PLEKHG5: variants seen among roughly 807,000 people sequenced by gnomAD.
PLEKHG5 encodes the protein pleckstrin homology domain-containing family G member 5.
A neutral mutation model predicts 103.8 loss-of-function variants in PLEKHG5; 52 were observed. The ratio of observed to expected loss-of-function variants is 0.50; its 90% CI spans 0.40 to 0.63. The LOEUF (loss-of-function observed/expected upper bound fraction) is 0.63, where lower values mean the gene tolerates loss of function less well. PLEKHG5 is among the 30% of genes least tolerant of loss of function. PLEKHG5 has a pLI of 0.00. For synonymous variants in PLEKHG5, 592 were observed against 575.5 expected (o/e 1.03, Z -0.41); for missense variants, 1,205 against 1,347.6 (o/e 0.89, Z 1.66).
At chr1:6,519,019 T>G (rs1460624585) in intron 1 of PLEKHG5, among the ~76,000 whole-genome samples, 5 of 152,338 alleles carry the variant, frequency 3.3e-5, no homozygotes, top group African/African-American at 1.2e-4. Context: ...ATTTTTTGTA[T>G]TTTTAGTAGA....
chr1:6,483,746 C>A (rs942953906), intron 1 of PLEKHG5, among the ~76,000 whole-genome samples: 1 of 152,270 alleles, frequency 6.6e-6, no homozygotes, highest in Non-Finnish European at 1.5e-5. Flanking sequence ...GAATCCACAG[C>A]GCACTGCTGA....
intron 1 of PLEKHG5, among the ~76,000 whole-genome samples, chr1:6,518,417 G>A (rs1008170839): frequency 6.6e-5 from 10 of 151,498 alleles, no homozygotes; most frequent in Admixed American, 2.6e-4. Flanking sequence ...AAAATGAGCC[G>A]GGCTTGATGG....
intron 1 of PLEKHG5, among the ~76,000 whole-genome samples, chr1:6,502,036 C>T (rs1220070728): frequency 3.9e-5 from 6 of 152,264 alleles, no homozygotes; most frequent in Admixed American, 2.0e-4. Context: ...TGTCCCCTCC[C>T]GCGTGAGCCC....
chr1:6,500,433 C>T (rs77948669), upstream of PLEKHG5, among the ~76,000 whole-genome samples: 4,265 of 152,144 alleles, frequency 0.028, 74 homozygotes, highest in South Asian at 0.064. Flanking sequence ...CCTGCCTCTT[C>T]GTAGCAACCC....
chr1:6,495,246 C>A (rs1645206655), upstream of PLEKHG5, among the ~76,000 whole-genome samples: 2 of 152,252 alleles, frequency 1.3e-5, no homozygotes, highest in Non-Finnish European at 2.9e-5. Flanking sequence ...CAATGCCAGG[C>A]ACCATCCGTG....
chr1:6,479,435 C>T (rs1024340985), intron 1 of PLEKHG5, among the ~76,000 whole-genome samples: 10 of 151,532 alleles, frequency 6.6e-5, no homozygotes, highest in African/African-American at 2.2e-4. Context: ...TACAGGCGCC[C>T]GCCACCACGC....
At position 6,516,830 on chromosome 1, in the gene PLEKHG5, A is replaced by ATG. The variant is rs1195103470; in HGVS notation, c.-165+2613_-165+2614dup. Among the ~76,000 whole-genome samples the ATG allele has an allele frequency of 8.3e-3, 1,173 of 140,802 alleles. 14 individuals are homozygous for ATG. The highest frequency in any genetic ancestry group is 0.058 in the Middle Eastern group (16 of 274). 92.4% of individuals were successfully genotyped at this position (140,802 alleles called of 152,430 possible). ...TATGTGTGTATATATATGTGTATAT[A>ATG]TGTGTGTGTATATATATATGTGTGT... is the stretch of plus-strand genomic sequence containing the variant. On this transcript the variant is annotated intron_variant, in intron 1 of 21. Coordinates refer to the PLEKHG5 transcript ENST00000377740.
chr1:6,511,747 G>T (rs1419254990), intron 1 of PLEKHG5, among the ~76,000 whole-genome samples: 1 of 152,240 alleles, frequency 6.6e-6, no homozygotes, highest in East Asian at 1.9e-4. Flanking sequence ...AGTGGGCACT[G>T]CAGGCTGCCT....
At chr1:6,507,529 G>A (rs1474376065) in intron 1 of PLEKHG5, among the ~76,000 whole-genome samples, 3 of 152,210 alleles carry the variant, frequency 2.0e-5, no homozygotes, top group African/African-American at 7.2e-5. Flanking sequence ...CAGAGCCAGG[G>A]CAGAGCTGGC....
At position 6,473,273 on chromosome 1, in the gene PLEKHG5, G is replaced by A. The variant is rs910474236; in HGVS notation, c.773C>T (p.Pro258Leu). 3 of 1,606,934 alleles carry A rather than the reference G, an allele frequency of 1.9e-6. No individual in the cohort carries two copies. Among genetic ancestry groups the A allele is most frequent in the Non-Finnish European group, 2.5e-6 (3 of 1,177,214 alleles). The change falls in exon 8 of 21, where the codon CCC (proline) becomes CTC (leucine). Residue 258 changes from proline (P) to leucine (L), a missense_variant. Coordinates refer to ENST00000377728, the MANE Select transcript of PLEKHG5 (RefSeq NM_020631.6). The part of the protein sequence containing the change: ...SRFSGFFSSG[P>L]STSAFGREVD... ...TACCCGGCCAAAGGCGCTGGTGCTG[G>A]GGCCGGAGCTGAAAAAGCCGCTGAA...
chr1:6,469,196 G>C lies in PLEKHG5; in HGVS notation c.2095C>G (p.Gln699Glu), dbSNP rs544601937. ...LRAQEPPGSQ[Q>E]PLQSLEEEED... ...TCCTCTTCCAGGCTCTGCAGGGGCT[G>C]CTGACTGCCTGGGGGCTCCTGTGCA... is the stretch of plus-strand genomic sequence containing the variant. Residue 699 changes from glutamine (Q) to glutamate (E), a missense_variant, in exon 19 of 21, where the codon CAG (glutamine) becomes GAG (glutamate). Gln to Glu is a conservative substitution (Grantham distance 29, BLOSUM62 2). Coordinates refer to ENST00000377728, the MANE Select transcript of PLEKHG5 (RefSeq NM_020631.6). 1.9e-6 allele frequency: 3 copies of C among 1,613,284 alleles called. No homozygotes were observed. The highest frequency in any genetic ancestry group is 2.5e-6 in the Non-Finnish European group (3 of 1,179,846).
chr1:6,496,353 G>A, upstream of PLEKHG5: 2 of 596,878 alleles, frequency 3.4e-6, no homozygotes, highest in South Asian at 2.1e-5. Flanking sequence ...ACACACTGTG[G>A]CCCCACCTAC....
upstream of PLEKHG5, chr1:6,497,294 TC>T: frequency 9.8e-7 from 1 of 1,015,902 alleles, no homozygotes; most frequent in Non-Finnish European, 1.4e-6. The surrounding 1 kb of genome is among the most constrained non-coding windows in gnomAD (Gnocchi z 6.1). Flanking sequence ...CCGCCCCGCG[TC>T]CGCCGGGTCC....
At chr1:6,485,302 C>A in intron 1 of PLEKHG5, 1 of 1,357,730 alleles carries the variant, frequency 7.4e-7, no homozygotes, top group Non-Finnish European at 9.5e-7. Flanking sequence ...AGCCCCGTTC[C>A]CGCCCCGTCC....
intron 19 of PLEKHG5, among the ~76,000 whole-genome samples, chr1:6,468,818 T>A (rs1213321603): frequency 6.6e-6 from 1 of 152,116 alleles, no homozygotes; most frequent in Non-Finnish European, 1.5e-5. Flanking sequence ...CTAAGGATCC[T>A]CAGCACAGCA....
At chr1:6,480,394 G>A (rs1352940229) in intron 1 of PLEKHG5, among the ~76,000 whole-genome samples, 2 of 151,810 alleles carry the variant, frequency 1.3e-5, no homozygotes, top group Non-Finnish European at 2.9e-5. Context: ...GCCAGTCGTG[G>A]CAGCGTACGC....
chr1:6,509,123 G>A (rs757200011), intron 1 of PLEKHG5, among the ~76,000 whole-genome samples: 29 of 152,216 alleles, frequency 1.9e-4, no homozygotes, highest in Non-Finnish European at 3.4e-4. Context: ...GAAGCCTCAC[G>A]GCCTCTGGAC....
At chr1:6,485,792 G>A (rs1645022133) in intron 1 of PLEKHG5, 2 of 783,060 alleles carry the variant, frequency 2.6e-6, no homozygotes, top group Non-Finnish European at 3.1e-6. Flanking sequence ...CCAGTCCCCG[G>A]GACCCCCACC....
Position 6,505,492 on chromosome 1 carries a change from G to C in PLEKHG5, c.-164-8923C>G, listed in dbSNP as rs938924496. Among the ~76,000 whole-genome samples the C allele has an allele frequency of 2.0e-5, 3 of 152,084 alleles. No individual in the cohort carries two copies. The highest frequency in any genetic ancestry group is 4.4e-5 in the Non-Finnish European group (3 of 68,000). On this transcript the variant is annotated intron_variant, in intron 1 of 21. Coordinates refer to the PLEKHG5 transcript ENST00000377740. The surrounding 1 kb of genome is among the most constrained non-coding windows in gnomAD (Gnocchi z 4.2). ...GCTCCCCAACCTCTCACCCCCAGGA[G>C]CAGTCCAACGTCCCACCCCTCTAAA...
Sources: gnomAD v4.1 joint callset for allele counts (sites outside exome capture counted in the v4.1 genomes callset) on GRCh38, gnomAD v4.1.1 for gene constraint, Gnocchi (gnomAD v3.1) non-coding constraint, MANE v1.5 for transcripts, NCBI Gene and HGNC (gene_info 2026-07-23, HGNC 2026-07-21) for gene names.